PHLPP1: variants seen among roughly 807,000 people sequenced by gnomAD.
PHLPP1 encodes PH domain leucine-rich repeat-containing protein phosphatase 1.
In PHLPP1, 42 loss-of-function variants were observed where a neutral mutation model predicts 117.2. The ratio of observed to expected loss-of-function variants is 0.36; its 90% CI spans 0.28 to 0.46. The LOEUF (loss-of-function observed/expected upper bound fraction) is 0.46. Among genes scored for constraint, PHLPP1 ranks in the 20% least tolerant of loss-of-function variants. PHLPP1 has a pLI of 1.00. For synonymous variants in PHLPP1, 1,042 were observed against 970.7 expected, an observed-to-expected ratio of 1.07 and a Z score of -1.37; for missense variants, 2,084 against 2,241.9, an observed-to-expected ratio of 0.93 and a Z score of 1.42.
chr18:62,777,491 C>G (rs767943660), intron 1 of PHLPP1, among the ~76,000 whole-genome samples: 2 of 149,394 alleles, frequency 1.3e-5, no homozygotes, highest in Non-Finnish European at 3.0e-5. Flanking sequence ...TTCTTATATT[C>G]TTATTTATAT....
At chr18:62,867,557 T>C (rs904552875) in intron 4 of PHLPP1, among the ~76,000 whole-genome samples, 1 of 152,200 alleles carries the variant, frequency 6.6e-6, no homozygotes, top group African/African-American at 2.4e-5. Flanking sequence ...CTTTTCTTTT[T>C]CCCCTGGTAT....
In PHLPP1 at chr18:62,941,835, C is replaced by T. The variant is rs1208349665; in HGVS notation, c.3078C>T (p.Asp1026=). ...ELYLTNNSLT[D]KCVPLLTGHP... ...ATTTGACAAATAACAGCCTCACAGACAAATGTGTGCCCTTGTTAACGGGAC... is the reference window on the plus strand; with the variant it reads ...ATTTGACAAATAACAGCCTCACAGATAAATGTGTGCCCTTGTTAACGGGAC... The change falls in exon 11 of 17, where the codon GAC becomes GAT. Residue 1026 remains aspartate, a synonymous_variant. Coordinates refer to ENST00000262719, the MANE Select transcript of PHLPP1 (RefSeq NM_194449.4). The T allele has an allele frequency of 6.2e-7, 1 of 1,613,968 alleles. No homozygotes were observed. Among genetic ancestry groups the T allele is most frequent in the Admixed American group, 1.7e-5 (1 of 60,036 alleles).
chr18:62,727,357 C>T (rs560248562), intron 1 of PHLPP1, among the ~76,000 whole-genome samples: 70 of 152,096 alleles, frequency 4.6e-4, no homozygotes, highest in Non-Finnish European at 8.5e-4. Flanking sequence ...GCCTGTATTT[C>T]CCACACTTTG....
chr18:62,924,832 G>A (rs557559100), intron 10 of PHLPP1, among the ~76,000 whole-genome samples: 1 of 149,446 alleles, frequency 6.7e-6, no homozygotes, highest in Admixed American at 6.8e-5. Context: ...GAGTGTGACC[G>A]TGTCTCAAAA....
intron 1 of PHLPP1, among the ~76,000 whole-genome samples, chr18:62,730,790 C>CA (rs34266723): frequency 0.11 from 7,952 of 70,316 alleles, 266 homozygotes; most frequent in East Asian, 0.25. Flanking sequence ...AACTTTGTCT[C>CA]AAAAAAAAAA....
At chr18:62,914,341 A>G (rs773596917) in intron 8 of PHLPP1, among the ~76,000 whole-genome samples, 3 of 152,254 alleles carry the variant, frequency 2.0e-5, no homozygotes, top group African/African-American at 7.2e-5. Context: ...GCATAGGTCT[A>G]TAGACCCTTT....
intron 1 of PHLPP1, among the ~76,000 whole-genome samples, chr18:62,769,097 T>C (rs1912661456): frequency 6.6e-6 from 1 of 152,218 alleles, no homozygotes; most frequent in Non-Finnish European, 1.5e-5. Context: ...CTCTGATATC[T>C]AGAAATTATT....
chr18:62,850,719 A>G (rs934686142), intron 3 of PHLPP1, among the ~76,000 whole-genome samples: 1 of 152,048 alleles, frequency 6.6e-6, no homozygotes, highest in Non-Finnish European at 1.5e-5. Context: ...TGGAAGGGAG[A>G]TAACTGTTAG....
intron 10 of PHLPP1, among the ~76,000 whole-genome samples, chr18:62,938,994 C>CTTTCTTTCTTTCTTTCTTTT (rs368316862): frequency 7.8e-6 from 1 of 128,680 alleles, no homozygotes; most frequent in Non-Finnish European, 1.6e-5. Context: ...TTCTTTCTTT[C>CTTTCTTTCTTTCTTTCTTTT]TTTTTTTTTT....
intron 3 of PHLPP1, among the ~76,000 whole-genome samples, chr18:62,844,240 G>A (rs1568135362): frequency 6.6e-6 from 1 of 152,198 alleles, no homozygotes; most frequent in Non-Finnish European, 1.5e-5. Flanking sequence ...AGGAGGCTGA[G>A]GCAGGAGAAT....
chr18:62,743,308 AT>A (rs1034879574), intron 1 of PHLPP1, among the ~76,000 whole-genome samples: 11 of 150,506 alleles, frequency 7.3e-5, no homozygotes, highest in African/African-American at 9.8e-5. Flanking sequence ...TTTTTTTAGA[AT>A]TTTTTTTTAT....
chr18:62,754,600 G>T (rs989487517), intron 1 of PHLPP1, among the ~76,000 whole-genome samples: 3 of 152,198 alleles, frequency 2.0e-5, no homozygotes, highest in Non-Finnish European at 4.4e-5. Flanking sequence ...GTGTACTTTG[G>T]ATCCACAGTA....
intron 12 of PHLPP1, among the ~76,000 whole-genome samples, chr18:62,953,270 C>G (rs1910516537): frequency 1.3e-5 from 2 of 152,238 alleles, no homozygotes; most frequent in South Asian, 2.1e-4. Flanking sequence ...TCTGATCCCT[C>G]TGCCTGCCCA....
intron 1 of PHLPP1, among the ~76,000 whole-genome samples, chr18:62,736,104 A>G (rs1454757973): frequency 6.6e-6 from 1 of 152,182 alleles, no homozygotes; most frequent in Non-Finnish European, 1.5e-5. Context: ...CTTACCTAGC[A>G]TAGAAACCTC....
chr18:62,902,561 AGTT>A (rs1242236798), intron 6 of PHLPP1, among the ~76,000 whole-genome samples: 2 of 152,250 alleles, frequency 1.3e-5, no homozygotes, highest in Non-Finnish European at 2.9e-5. Context: ...TGTGCCTAAC[AGTT>A]GTTCTGAGTT....
intron 3 of PHLPP1, among the ~76,000 whole-genome samples, chr18:62,858,167 A>G (rs1362761570): frequency 6.6e-6 from 1 of 152,130 alleles, no homozygotes; most frequent in Non-Finnish European, 1.5e-5. Flanking sequence ...GTCTTTAGAG[A>G]TAAGTCCTGC....
chr18:62,913,421 T>C (rs1434687087), intron 8 of PHLPP1, among the ~76,000 whole-genome samples: 1 of 152,168 alleles, frequency 6.6e-6, no homozygotes, highest in Non-Finnish European at 1.5e-5. Flanking sequence ...GGAGTAGATA[T>C]AATTGCAAAA....
intron 4 of PHLPP1, among the ~76,000 whole-genome samples, chr18:62,885,209 T>A (rs1352944102): frequency 2.0e-5 from 3 of 152,216 alleles, no homozygotes; most frequent in Non-Finnish European, 2.9e-5. Flanking sequence ...GTTTCTTTCT[T>A]TCAACTTTGA....
intron 3 of PHLPP1, among the ~76,000 whole-genome samples, chr18:62,847,442 G>T (rs937032677): frequency 1.3e-5 from 2 of 152,208 alleles, no homozygotes; most frequent in African/African-American, 2.4e-5. Flanking sequence ...AAGAAGTTTG[G>T]TTGGGATCTG....
Sources: gnomAD v4.1 joint callset for allele counts (sites outside exome capture counted in the v4.1 genomes callset) on GRCh38, gnomAD v4.1.1 for gene constraint, MANE v1.5 for transcripts, NCBI Gene and HGNC (gene_info 2026-07-23, HGNC 2026-07-21) for gene names.